The following KCNAB1 variants were observed in gnomAD, a reference collection of about 807,000 sequenced individuals.
KCNAB1 encodes potassium voltage-gated channel subfamily A regulatory beta subunit 1, also known as voltage-gated potassium channel subunit beta-1.
A neutral mutation model predicts 64.6 loss-of-function variants in KCNAB1; 35 were observed. That is an observed-to-expected ratio of 0.54 (90% CI 0.41 to 0.72). The LOEUF is 0.72. Ranked by LOEUF, KCNAB1 falls within the 30% of genes least tolerant of loss-of-function variation. KCNAB1 has a pLI of 0.00. For synonymous variants in KCNAB1, 177 were observed against 183.8 expected (o/e 0.96, Z 0.30); for missense variants, 401 against 512.9 (o/e 0.78, Z 2.11).
At chr3:156,534,701 C>CT (rs919087878) in intron 13 of KCNAB1, among the ~76,000 whole-genome samples, 1 of 152,144 alleles carries the variant, frequency 6.6e-6, no homozygotes, top group African/African-American at 2.4e-5. Context: ...CCTGGGAGGA[C>CT]TTTACTAATG....
chr3:156,221,903 A>G (rs908523522), intron 1 of KCNAB1, among the ~76,000 whole-genome samples: 1 of 152,178 alleles, frequency 6.6e-6, no homozygotes, highest in African/African-American at 2.4e-5. Flanking sequence ...CACTGTAAGA[A>G]CTGCTAGACG....
At chr3:156,483,623 T>C (rs1178050078) in intron 8 of KCNAB1, among the ~76,000 whole-genome samples, 1 of 152,130 alleles carries the variant, frequency 6.6e-6, no homozygotes, top group Non-Finnish European at 1.5e-5. Context: ...TCATTTATCC[T>C]CTTTCTTTGT....
intron 1 of KCNAB1, among the ~76,000 whole-genome samples, chr3:156,349,814 G>A (rs1375895457): frequency 1.3e-5 from 2 of 152,090 alleles, no homozygotes; most frequent in African/African-American, 4.8e-5. Flanking sequence ...ATCCACCTGC[G>A]TCAGCCTCCC....
chr3:156,204,552 C>T (rs779951483), intron 1 of KCNAB1, among the ~76,000 whole-genome samples: 5 of 150,988 alleles, frequency 3.3e-5, no homozygotes, highest in East Asian at 2.0e-4. Flanking sequence ...GCAAGCTGGC[C>T]GGCCATGGTG....
intron 1 of KCNAB1, among the ~76,000 whole-genome samples, chr3:156,346,422 C>T (rs1043776160): frequency 2.0e-5 from 3 of 151,988 alleles, no homozygotes; most frequent in Non-Finnish European, 4.4e-5. Context: ...AAATGAAAGT[C>T]CACAAAGAAA....
intron 11 of KCNAB1, among the ~76,000 whole-genome samples, chr3:156,522,402 T>TG (rs1718011098): frequency 6.6e-6 from 1 of 152,080 alleles, no homozygotes; most frequent in Non-Finnish European, 1.5e-5. Flanking sequence ...CCCAAGGCAG[T>TG]GTCCATTGTT....
rs1724898687 is a variant in KCNAB1 at position 156,352,096 on chromosome 3, G to A, written c.276-69520G>A. Among the ~76,000 whole-genome samples the A allele has an allele frequency of 2.6e-5, 4 of 152,200 alleles. No individual in the cohort carries two copies. In the South Asian group the frequency reaches 8.3e-4, roughly 31 times the overall value. ...CAGCTCAAGCCCGCTGTGAGGCTTGGGGCAGGGTCTGGAGTCGGAGGTGTC... is the reference window on the plus strand; with the variant it reads ...CAGCTCAAGCCCGCTGTGAGGCTTGAGGCAGGGTCTGGAGTCGGAGGTGTC... On this transcript the variant is annotated intron_variant, in intron 1 of 13. Coordinates refer to ENST00000490337, the MANE Select transcript of KCNAB1 (RefSeq NM_172160.3).
chr3:156,209,187 G>C (rs1714861138), intron 1 of KCNAB1, among the ~76,000 whole-genome samples: 1 of 152,168 alleles, frequency 6.6e-6, no homozygotes, highest in Non-Finnish European at 1.5e-5. Context: ...ACACAGTTTG[G>C]CTTGGTGGAA....
intron 1 of KCNAB1, among the ~76,000 whole-genome samples, chr3:156,276,458 A>G (rs1316413437): frequency 3.9e-5 from 6 of 152,146 alleles, no homozygotes; most frequent in South Asian, 2.1e-4. Flanking sequence ...TGAAGCTTTG[A>G]AGACCAACAT....
At chr3:156,162,989 G>A (rs73162706) in intron 1 of KCNAB1, among the ~76,000 whole-genome samples, 13,729 of 152,130 alleles carry the variant, frequency 0.09, 889 homozygotes, top group Non-Finnish European at 0.13. Context: ...AATTGCAGAG[G>A]AATTATAATT....
At chr3:156,139,772 T>C (rs1714601114) in intron 1 of KCNAB1, among the ~76,000 whole-genome samples, 1 of 152,058 alleles carries the variant, frequency 6.6e-6, no homozygotes, top group African/African-American at 2.4e-5. Context: ...CTCTATGCAA[T>C]GTTGATTGTG....
At position 156,534,076 on chromosome 3, in the gene KCNAB1, CCT is replaced by C. The variant is rs138925812; in HGVS notation, c.1170+2580_1171-2580del. ...ACCATTGCGGGCTTACCAATCCTCCCCTGTTCTACTTCACCTCCCCCATACCC... is the reference window on the plus strand; with the variant it reads ...ACCATTGCGGGCTTACCAATCCTCCCGTTCTACTTCACCTCCCCCATACCC... On this transcript the variant is annotated intron_variant, in intron 13 of 13. Coordinates refer to ENST00000490337, the MANE Select transcript of KCNAB1 (RefSeq NM_172160.3). 3.5e-3 allele frequency among the ~76,000 whole-genome samples: 529 copies of C among 152,250 alleles called. 1 individual carries two copies. The highest frequency in any genetic ancestry group is 0.011 in the African/African-American group (470 of 41,532).
intron 2 of KCNAB1, chr3:156,441,034 C>T (rs908156508): frequency 2.0e-5 from 3 of 152,058 alleles, no homozygotes; most frequent in Non-Finnish European, 4.4e-5. Flanking sequence ...ATATTCAATA[C>T]TCTAAATATC....
chr3:156,317,635 C>T (rs79919760), intron 1 of KCNAB1, among the ~76,000 whole-genome samples: 6,638 of 151,622 alleles, frequency 0.044, 181 homozygotes, highest in Non-Finnish European at 0.06. Context: ...TTCCACCTAG[C>T]GGAAGAGAAG....
intron 5 of KCNAB1, among the ~76,000 whole-genome samples, chr3:156,461,733 A>G (rs1712925371): frequency 6.6e-6 from 1 of 152,198 alleles, no homozygotes; most frequent in South Asian, 2.1e-4. Flanking sequence ...ATCACTCTCC[A>G]TAGCTGCAGA....
chr3:156,240,094 A>G (rs1165878612), intron 1 of KCNAB1, among the ~76,000 whole-genome samples: 8 of 152,218 alleles, frequency 5.3e-5, no homozygotes, highest in Admixed American at 3.3e-4. Flanking sequence ...ATTTCCTACA[A>G]TAGACACGTT....
At chr3:156,501,485 G>T (rs375416261) in intron 8 of KCNAB1, among the ~76,000 whole-genome samples, 1 of 125,374 alleles carries the variant, frequency 8.0e-6, no homozygotes, top group Non-Finnish European at 1.6e-5. Flanking sequence ...GCTGGAAATC[G>T]CAATGATGTG....
intron 2 of KCNAB1, among the ~76,000 whole-genome samples, chr3:156,428,766 T>C (rs1437330916): frequency 3.3e-5 from 5 of 152,202 alleles, no homozygotes; most frequent in Non-Finnish European, 7.3e-5. Context: ...TTTCCTGGGC[T>C]GTTCGCAGGT....
chr3:156,339,918 T>A (rs1429603765), intron 1 of KCNAB1, among the ~76,000 whole-genome samples: 1 of 152,224 alleles, frequency 6.6e-6, no homozygotes, highest in Non-Finnish European at 1.5e-5. Context: ...TCTGTCACAT[T>A]TCCGTGTCTG....
Sources: allele counts gnomAD v4.1 joint callset (sites outside exome capture counted in the v4.1 genomes callset), GRCh38; gene constraint gnomAD v4.1.1; transcripts MANE v1.5; gene names NCBI Gene and HGNC (gene_info 2026-07-23, HGNC 2026-07-21).